The following MEMO1 variants were observed in gnomAD, a reference collection of about 807,000 sequenced individuals.
MEMO1 encodes the protein mediator of cell motility 1.
In MEMO1, 6 loss-of-function variants were observed where a neutral mutation model predicts 45.2. That is an observed-to-expected ratio of 0.13 (90% CI 0.07 to 0.26). The LOEUF (loss-of-function observed/expected upper bound fraction) is 0.26. MEMO1 is among the 10% of genes least tolerant of loss of function. The pLI is 1.00. For synonymous variants in MEMO1, 78 were observed against 124.3 expected, an observed-to-expected ratio of 0.63 and a Z score of 2.48; for missense variants, 184 against 370.5, an observed-to-expected ratio of 0.50 and a Z score of 4.13.
intron 2 of MEMO1, among the ~76,000 whole-genome samples, chr2:31,999,100 T>A (rs1310300705): frequency 6.6e-6 from 1 of 152,078 alleles, no homozygotes; most frequent in East Asian, 1.9e-4. Context: ...TGTCAGCAAA[T>A]CCTCTCAGCT....
chr2:31,921,983 C>T (rs1275472185), intron 4 of MEMO1, among the ~76,000 whole-genome samples: 2 of 152,122 alleles, frequency 1.3e-5, no homozygotes, highest in African/African-American at 2.4e-5. Flanking sequence ...CAAACCTGCC[C>T]TACAATCTGA....
At chr2:31,927,922 A>G (rs1376830227) in intron 4 of MEMO1, among the ~76,000 whole-genome samples, 2 of 152,208 alleles carry the variant, frequency 1.3e-5, no homozygotes, top group Non-Finnish European at 1.5e-5. Flanking sequence ...AGCTTTTAAT[A>G]AGATATCTAT....
chr2:31,947,788 A>G (rs747353938), intron 2 of MEMO1, among the ~76,000 whole-genome samples: 10 of 152,196 alleles, frequency 6.6e-5, no homozygotes, highest in Non-Finnish European at 1.3e-4. Flanking sequence ...GTTTATTTGC[A>G]TGGTGACAAA....
At chr2:31,920,751 A>G (rs1284520841) in intron 5 of MEMO1, 47 bp downstream of exon 5, 2 of 1,112,164 alleles carry the variant, frequency 1.8e-6, no homozygotes, top group Non-Finnish European at 2.5e-6. Context: ...AAGTCCTGTT[A>G]AAAGAACATT....
chr2:31,871,341 G>A (rs1317725414), intron 8 of MEMO1, among the ~76,000 whole-genome samples: 1 of 152,056 alleles, frequency 6.6e-6, no homozygotes, highest in Non-Finnish European at 1.5e-5. Context: ...AGAGTAATCA[G>A]ATAAACATCT....
chr2:31,955,866 C>G (rs1430723613), intron 2 of MEMO1, among the ~76,000 whole-genome samples: 1 of 152,300 alleles, frequency 6.6e-6, no homozygotes, highest in East Asian at 1.9e-4. Context: ...CCTCAGCCTC[C>G]CAAAGCGCTG....
intron 5 of MEMO1, among the ~76,000 whole-genome samples, chr2:31,920,148 T>C (rs539758152): frequency 6.6e-6 from 1 of 151,662 alleles, no homozygotes; most frequent in South Asian, 2.1e-4. Flanking sequence ...TACTGTTCTA[T>C]ATTTTTAAAA....
chr2:31,936,836 C>CAA (rs1387897768), intron 3 of MEMO1, among the ~76,000 whole-genome samples: 1 of 152,142 alleles, frequency 6.6e-6, no homozygotes, highest in Non-Finnish European at 1.5e-5. Context: ...TAAGATTCAA[C>CAA]AAAGTCAGGT....
intron 8 of MEMO1, 33 bp from the exon 9 acceptor site, chr2:31,869,985 A>G (rs768287471): frequency 1.0e-5 from 14 of 1,402,642 alleles, no homozygotes; most frequent in Non-Finnish European, 1.3e-5. Context: ...GGAAGAAAAA[A>G]ATAAAAGAAG....
At chr2:31,973,558 T>C (rs1438526815) in intron 2 of MEMO1, among the ~76,000 whole-genome samples, 1 of 152,130 alleles carries the variant, frequency 6.6e-6, no homozygotes, top group African/African-American at 2.4e-5. Context: ...GGTGGAACAG[T>C]CTTTTGAAAT....
intron 2 of MEMO1, among the ~76,000 whole-genome samples, chr2:31,966,722 G>A (rs1321183782): frequency 2.0e-5 from 1 of 50,052 alleles, no homozygotes; most frequent in Non-Finnish European, 5.2e-5. Context: ...AACAGAGCAA[G>A]ACTCTGTCTC....
At chr2:31,956,340 GAA>G (rs879311902) in intron 2 of MEMO1, among the ~76,000 whole-genome samples, 1 of 130,296 alleles carries the variant, frequency 7.7e-6, no homozygotes, top group African/African-American at 2.8e-5. Flanking sequence ...CAATTTCTTT[GAA>G]AAAAAAAAAA....
intron 6 of MEMO1, among the ~76,000 whole-genome samples, chr2:31,894,360 CAG>C (rs758050719): frequency 6.6e-6 from 1 of 152,122 alleles, no homozygotes; most frequent in Non-Finnish European, 1.5e-5. Flanking sequence ...TGACTTGGAG[CAG>C]AGAGTGGAAA....
chr2:31,966,022 T>C (rs895754663), intron 2 of MEMO1, among the ~76,000 whole-genome samples: 4 of 151,986 alleles, frequency 2.6e-5, no homozygotes, highest in Non-Finnish European at 5.9e-5. Flanking sequence ...TTATATGGAG[T>C]GGTTAAGCAT....
At chr2:31,998,969 G>A (rs895074791) in intron 2 of MEMO1, among the ~76,000 whole-genome samples, 2 of 152,082 alleles carry the variant, frequency 1.3e-5, no homozygotes, top group Non-Finnish European at 2.9e-5. Flanking sequence ...CGCCAAACTT[G>A]TTCCTCTTAG....
chr2:32,000,288 G>A (rs1251253529), intron 2 of MEMO1, among the ~76,000 whole-genome samples: 3 of 151,130 alleles, frequency 2.0e-5, no homozygotes, highest in Non-Finnish European at 2.9e-5. Flanking sequence ...GGAGTGCAGT[G>A]GTGCGATCTC....
intron 3 of MEMO1, among the ~76,000 whole-genome samples, chr2:31,940,971 T>C (rs138648582): frequency 1.3e-5 from 2 of 152,286 alleles, no homozygotes; most frequent in Non-Finnish European, 2.9e-5. Flanking sequence ...ATAATTATAA[T>C]TGTAAAATAA....
intron 3 of MEMO1, among the ~76,000 whole-genome samples, chr2:31,935,795 G>T (rs75324002): frequency 6.6e-6 from 1 of 152,032 alleles, no homozygotes; most frequent in Non-Finnish European, 1.5e-5. Context: ...TGGAAACAAC[G>T]TTTTATCAAG....
rs571888192 is a variant in MEMO1 at position 31,984,522 on chromosome 2, T to C, written c.61+25665A>G. 3.0e-4 allele frequency among the ~76,000 whole-genome samples: 45 copies of C among 152,034 alleles called. 1 individual carries two copies. The highest frequency in any genetic ancestry group is 5.3e-4 in the Non-Finnish European group (36 of 67,984). Reference sequence around the variant, plus strand: ...AAGATCCTAGAACAGAGAAAGGACATTAGTGGGCTGTGCGCAGTGGCTCAC... The same window carrying C: ...AAGATCCTAGAACAGAGAAAGGACACTAGTGGGCTGTGCGCAGTGGCTCAC... On this transcript the variant is annotated intron_variant, in intron 2 of 9. Coordinates refer to ENST00000404530, the MANE Select transcript of MEMO1 (RefSeq NM_001301833.4).
Sources: allele counts gnomAD v4.1 joint callset (sites outside exome capture counted in the v4.1 genomes callset), GRCh38; gene constraint gnomAD v4.1.1; transcripts MANE v1.5; gene names NCBI Gene and HGNC (gene_info 2026-07-23, HGNC 2026-07-21).